Variants in PCDH7 observed in about 807,000 individuals in gnomAD.
The protein encoded by PCDH7 is protocadherin 7, also known as protocadherin-7.
Under a neutral mutation model 58.9 loss-of-function variants are expected in PCDH7, and 17 were observed. That is an observed-to-expected ratio of 0.29 (90% CI 0.20 to 0.43). The LOEUF (loss-of-function observed/expected upper bound fraction) is 0.43, where lower values mean the gene tolerates loss of function less well. Ranked by LOEUF, PCDH7 falls within the 20% of genes least tolerant of loss-of-function variation. PCDH7 has a pLI of 1.00. For missense variants in PCDH7, 1,274 were observed against 1,441.0 expected (o/e 0.88, Z 1.88); for synonymous variants, 664 against 616.4 (o/e 1.08, Z -1.14).
chr4:31,089,189 A>G lies in PCDH7; in HGVS notation c.*8-53284A>G, dbSNP rs563746260. Among the ~76,000 whole-genome samples, 151 of 152,238 alleles carry G rather than the reference A, an allele frequency of 9.9e-4. 1 individual carries two copies. Among genetic ancestry groups the G allele is most frequent in the African/African-American group, 3.2e-3 (132 of 41,558 alleles). ...GTTATTGGCAAAAGTTGGCCAAATT[A>G]CATACCAGTAGGTATAATTGGACTA... On this transcript the variant is annotated intron_variant, in intron 3 of 3. Coordinates refer to the PCDH7 transcript ENST00000509759.
intron 1 of PCDH7, among the ~76,000 whole-genome samples, chr4:30,798,482 C>G (rs1725085378): frequency 6.6e-6 from 1 of 152,098 alleles, no homozygotes; most frequent in South Asian, 2.1e-4. Flanking sequence ...GTACATGAGA[C>G]TTACTTCTTT....
chr4:31,069,964 T>C (rs1758414120), intron 3 of PCDH7, among the ~76,000 whole-genome samples: 1 of 148,636 alleles, frequency 6.7e-6, no homozygotes, highest in Admixed American at 6.9e-5. Flanking sequence ...TGTGCAACAA[T>C]CTTTCACAGC....
intron 3 of PCDH7, among the ~76,000 whole-genome samples, chr4:31,066,926 C>T (rs1164466764): frequency 2.0e-5 from 3 of 151,704 alleles, no homozygotes; most frequent in Non-Finnish European, 4.4e-5. Flanking sequence ...AAAGACAATG[C>T]AAGATAAAGG....
chr4:30,825,812 G>C (rs1293454091), intron 1 of PCDH7, among the ~76,000 whole-genome samples: 3 of 152,068 alleles, frequency 2.0e-5, no homozygotes, highest in African/African-American at 7.2e-5. Context: ...ATTCTAAAAT[G>C]GCAGGTCAGA....
At chr4:30,932,776 C>T (rs1344703369) in intron 2 of PCDH7, among the ~76,000 whole-genome samples, 2 of 152,104 alleles carry the variant, frequency 1.3e-5, no homozygotes, top group Non-Finnish European at 2.9e-5. Context: ...AATTTTATCA[C>T]GGCCTCAGAA....
intron 1 of PCDH7, among the ~76,000 whole-genome samples, chr4:30,855,112 T>C (rs796306914): frequency 3.2e-4 from 48 of 152,086 alleles, no homozygotes; most frequent in African/African-American, 1.1e-3. Context: ...TCTGCTGCTG[T>C]GGTATTTCTG....
chr4:30,960,852 C>T (rs577748027), intron 3 of PCDH7, among the ~76,000 whole-genome samples: 11 of 152,076 alleles, frequency 7.2e-5, no homozygotes, highest in Non-Finnish European at 1.3e-4. Flanking sequence ...AATAAATCTA[C>T]TGAGTTGAGG....
At chr4:31,088,563 C>T (rs1250963120) in intron 3 of PCDH7, among the ~76,000 whole-genome samples, 1 of 151,946 alleles carries the variant, frequency 6.6e-6, no homozygotes, top group Non-Finnish European at 1.5e-5. Context: ...TATTTAATGG[C>T]CTTTATAATT....
intron 1 of PCDH7, among the ~76,000 whole-genome samples, chr4:30,910,916 C>T (rs550757293): frequency 2.6e-5 from 4 of 152,246 alleles, no homozygotes; most frequent in African/African-American, 9.6e-5. Context: ...CCCAAATGCC[C>T]ATCAATATTA....
At chr4:31,079,831 G>A (rs1459716413) in intron 3 of PCDH7, among the ~76,000 whole-genome samples, 1 of 151,982 alleles carries the variant, frequency 6.6e-6, no homozygotes, top group Non-Finnish European at 1.5e-5. Context: ...ATACAATGTA[G>A]AATTCTGCAG....
At chr4:30,925,418 G>C (rs977648359) in intron 2 of PCDH7, among the ~76,000 whole-genome samples, 1 of 152,130 alleles carries the variant, frequency 6.6e-6, no homozygotes, top group African/African-American at 2.4e-5. Flanking sequence ...CGTAGATTGA[G>C]CAAACTTCTC....
At position 30,869,336 on chromosome 4, in the gene PCDH7, C is replaced by T. The variant is rs375473909; in HGVS notation, c.71-50817C>T. Reference sequence around the variant, plus strand: ...TTCTGGGATACATGGGCAGCACGTGCAGGTTTGTTACATAGGTATACACGT... The same window carrying T: ...TTCTGGGATACATGGGCAGCACGTGTAGGTTTGTTACATAGGTATACACGT... On this transcript the variant is annotated intron_variant, in intron 1 of 3. Transcript: ENST00000509759. Among the ~76,000 whole-genome samples the T allele has an allele frequency of 5.9e-5, 9 of 152,004 alleles. No individual in the cohort carries two copies. In the South Asian group the frequency reaches 6.2e-4, roughly 10 times the overall value.
chr4:30,895,923 C>T (rs1419912983), intron 1 of PCDH7, among the ~76,000 whole-genome samples: 1 of 152,142 alleles, frequency 6.6e-6, no homozygotes, highest in Non-Finnish European at 1.5e-5. Context: ...TAATTCAGGA[C>T]TCTATTGATG....
At chr4:30,740,860 A>G (rs756072540) in intron 1 of PCDH7, among the ~76,000 whole-genome samples, 2 of 143,974 alleles carry the variant, frequency 1.4e-5, no homozygotes, top group Non-Finnish European at 3.0e-5. Flanking sequence ...AAAAGCATTT[A>G]TATAAATTTT....
intron 3 of PCDH7, among the ~76,000 whole-genome samples, chr4:31,043,376 T>TTTGAACTAA (rs1560598541): frequency 6.6e-6 from 1 of 152,104 alleles, no homozygotes; most frequent in Non-Finnish European, 1.5e-5. Context: ...TTCCACAATG[T>TTTGAACTAA]TTGAACTAAT....
Position 30,987,279 on chromosome 4 carries a change from T to C in PCDH7, c.*7+37064T>C, listed in dbSNP as rs188654988. On this transcript the variant is annotated intron_variant, in intron 3 of 3. Transcript: ENST00000509759. ...AAGTAAGAAGGTTAGGAAAAAGTAATAATCCATATCTATTTTATACCAGGT... is the reference window on the plus strand; with the variant it reads ...AAGTAAGAAGGTTAGGAAAAAGTAACAATCCATATCTATTTTATACCAGGT... Among the ~76,000 whole-genome samples, 167 of 152,252 alleles carry C rather than the reference T, an allele frequency of 1.1e-3. 2 individuals carry two copies. The highest frequency in any genetic ancestry group is 4.1e-4 in the South Asian group (2 of 4,826).
chr4:30,854,659 G>A (rs1191105858), intron 1 of PCDH7, among the ~76,000 whole-genome samples: 2 of 151,888 alleles, frequency 1.3e-5, no homozygotes, highest in Admixed American at 1.3e-4. Context: ...ATGAAAAAAG[G>A]GTTTAAAATT....
intron 1 of PCDH7, among the ~76,000 whole-genome samples, chr4:30,775,421 A>C (rs1211573122): frequency 2.6e-5 from 4 of 152,122 alleles, no homozygotes; most frequent in Admixed American, 2.6e-4. Context: ...GTATATTCAG[A>C]AAGTATACTC....
intron 3 of PCDH7, among the ~76,000 whole-genome samples, chr4:30,996,287 A>G (rs10939325): frequency 0.74 from 112,250 of 152,126 alleles, 42,649 homozygotes; most frequent in African/African-American, 0.93. Context: ...CCATTTTAAT[A>G]TGGTCATTCT....
Sources: gnomAD v4.1 joint callset for allele counts (sites outside exome capture counted in the v4.1 genomes callset) on GRCh38, gnomAD v4.1.1 for gene constraint, MANE v1.5 for transcripts, NCBI Gene and HGNC (gene_info 2026-07-23, HGNC 2026-07-21) for gene names.